CNTNAP2: variants seen among roughly 807,000 people sequenced by gnomAD.
The protein encoded by CNTNAP2 is contactin-associated protein-like 2.
A neutral mutation model predicts 155.2 loss-of-function variants in CNTNAP2; 98 were observed. The observed-to-expected ratio is 0.63, with a 90% confidence interval of 0.54 to 0.75. CNTNAP2 has a LOEUF of 0.75. Among genes scored for constraint, CNTNAP2 ranks in the 30% least tolerant of loss-of-function variants. CNTNAP2 has a pLI of 0.00. For synonymous variants in CNTNAP2, 651 were observed against 631.2 expected (o/e 1.03, Z -0.47); for missense variants, 1,727 against 1,688.1 (o/e 1.02, Z -0.40).
intron 4 of CNTNAP2, among the ~76,000 whole-genome samples, chr7:147,103,351 T>A (rs1016280419): frequency 6.6e-6 from 1 of 152,122 alleles, no homozygotes; most frequent in East Asian, 1.9e-4. Flanking sequence ...GAATGATCAA[T>A]GTATCTAAAA....
intron 9 of CNTNAP2, among the ~76,000 whole-genome samples, chr7:147,328,720 T>C (rs1242532081): frequency 6.6e-6 from 1 of 152,152 alleles, no homozygotes; most frequent in Non-Finnish European, 1.5e-5. Context: ...TAAAAATCAT[T>C]GGAGAGGAAG....
intron 2 of CNTNAP2, among the ~76,000 whole-genome samples, chr7:146,776,250 G>A (rs1318427242): frequency 2.0e-5 from 3 of 152,244 alleles, no homozygotes; most frequent in Middle Eastern, 3.4e-3. Flanking sequence ...CCATAATGCC[G>A]AGAGACATAA....
intron 13 of CNTNAP2, among the ~76,000 whole-genome samples, chr7:147,714,505 G>A (rs2117019978): frequency 6.6e-6 from 1 of 152,060 alleles, no homozygotes; most frequent in East Asian, 1.9e-4. Flanking sequence ...GAAGAAGACT[G>A]AGGGGTTAGA....
At chr7:146,184,221 A>G (rs958332445) in intron 1 of CNTNAP2, among the ~76,000 whole-genome samples, 1 of 152,224 alleles carries the variant, frequency 6.6e-6, no homozygotes, top group African/African-American at 2.4e-5. Flanking sequence ...ATCTAACAGA[A>G]TGAGGTTACA....
At chr7:147,299,866 T>C (rs1331949971) in intron 8 of CNTNAP2, among the ~76,000 whole-genome samples, 1 of 152,102 alleles carries the variant, frequency 6.6e-6, no homozygotes, top group African/African-American at 2.4e-5. Flanking sequence ...CTAAATGACT[T>C]TTTTTCAATC....
intron 12 of CNTNAP2, among the ~76,000 whole-genome samples, chr7:147,565,372 CT>C (rs888330465): frequency 3.8e-4 from 57 of 151,590 alleles, no homozygotes; most frequent in African/African-American, 1.3e-3. Context: ...AAAAAGTGCG[CT>C]TTTTTTTATT....
chr7:147,066,782 T>G (rs1799786951), intron 4 of CNTNAP2, among the ~76,000 whole-genome samples: 1 of 152,218 alleles, frequency 6.6e-6, no homozygotes, highest in Non-Finnish European at 1.5e-5. Flanking sequence ...TTAGACTGTC[T>G]TTTAGTCAGG....
chr7:148,071,890 C>G (rs917572050), intron 15 of CNTNAP2, among the ~76,000 whole-genome samples: 1 of 152,176 alleles, frequency 6.6e-6, no homozygotes, highest in Admixed American at 6.5e-5. Context: ...GGGTAGTTCA[C>G]TCTTCAAGGT....
intron 13 of CNTNAP2, among the ~76,000 whole-genome samples, chr7:147,803,115 T>C (rs932883719): frequency 3.3e-5 from 5 of 152,156 alleles, no homozygotes; most frequent in African/African-American, 1.2e-4. Flanking sequence ...CTACAGTTAT[T>C]TGAGAGAAAG....
intron 8 of CNTNAP2, among the ~76,000 whole-genome samples, chr7:147,173,115 T>C (rs1302778394): frequency 6.6e-6 from 1 of 152,150 alleles, no homozygotes; most frequent in African/African-American, 2.4e-5. Flanking sequence ...GAACCATACC[T>C]GAAGAAATAA....
chr7:147,318,706 C>G (rs1468472043), intron 9 of CNTNAP2, among the ~76,000 whole-genome samples: 1 of 151,966 alleles, frequency 6.6e-6, no homozygotes, highest in Non-Finnish European at 1.5e-5. Flanking sequence ...GGACAAATAC[C>G]TAAAGCATGT....
intron 14 of CNTNAP2, among the ~76,000 whole-genome samples, chr7:147,906,410 A>T (rs1050920774): frequency 2.0e-4 from 30 of 152,010 alleles, no homozygotes; most frequent in African/African-American, 7.2e-4. Context: ...ACCTCAAGTG[A>T]TCCACCCTCA....
intron 3 of CNTNAP2, among the ~76,000 whole-genome samples, chr7:146,867,330 T>A (rs1427052659): frequency 1.3e-5 from 2 of 152,168 alleles, no homozygotes; most frequent in Non-Finnish European, 2.9e-5. Flanking sequence ...CTAGTCCATG[T>A]TCCTGCAAAA....
intron 1 of CNTNAP2, among the ~76,000 whole-genome samples, chr7:146,682,703 C>A (rs1800525554): frequency 6.6e-6 from 1 of 151,960 alleles, no homozygotes; most frequent in Non-Finnish European, 1.5e-5. Context: ...CTAAAATACA[C>A]CTAGAAGAAA....
chr7:148,370,298 C>T (rs1798863292), intron 21 of CNTNAP2, among the ~76,000 whole-genome samples: 1 of 152,194 alleles, frequency 6.6e-6, no homozygotes, highest in Non-Finnish European at 1.5e-5. Flanking sequence ...CCTGACGTCT[C>T]AGTGGCTGGG....
intron 21 of CNTNAP2, among the ~76,000 whole-genome samples, chr7:148,285,666 A>T (rs1797068083): frequency 6.6e-6 from 1 of 152,254 alleles, no homozygotes; most frequent in Non-Finnish European, 1.5e-5. Context: ...GAAGTTTTAA[A>T]GTGACATGTG....
intron 1 of CNTNAP2, among the ~76,000 whole-genome samples, chr7:146,319,020 C>T (rs1410047842): frequency 6.6e-6 from 1 of 151,994 alleles, no homozygotes; most frequent in Non-Finnish European, 1.5e-5. Flanking sequence ...TAGAGTAATA[C>T]GCCCACTGTC....
intron 16 of CNTNAP2, among the ~76,000 whole-genome samples, chr7:148,140,895 G>A (rs997194780): frequency 6.6e-6 from 1 of 152,222 alleles, no homozygotes; most frequent in Non-Finnish European, 1.5e-5. Flanking sequence ...ACCTCTTGAG[G>A]GCAAGGCTAA....
At chr7:147,636,728 C>T (rs6975479) in intron 12 of CNTNAP2, among the ~76,000 whole-genome samples, 13,680 of 152,200 alleles carry the variant, frequency 0.09, 1,712 homozygotes, top group African/African-American at 0.26. Flanking sequence ...ACTAATATTT[C>T]TGAAGCCCTA....
Sources: gnomAD v4.1 joint callset for allele counts (sites outside exome capture counted in the v4.1 genomes callset) on GRCh38, gnomAD v4.1.1 for gene constraint, MANE v1.5 for transcripts, NCBI Gene and HGNC (gene_info 2026-07-23, HGNC 2026-07-21) for gene names.